PDE4D: variants seen among roughly 807,000 people sequenced by gnomAD.
PDE4D encodes 3',5'-cyclic-AMP phosphodiesterase 4D.
In PDE4D, 24 loss-of-function variants were observed where a neutral mutation model predicts 87.4. That is an observed-to-expected ratio of 0.27 (90% confidence interval 0.20 to 0.39). PDE4D has a LOEUF of 0.39. Among genes scored for constraint, PDE4D ranks in the 10% least tolerant of loss-of-function variants. The pLI is 1.00. For missense variants in PDE4D, 714 were observed against 1,041.0 expected, an observed-to-expected ratio of 0.69 and a Z score of 4.32; for synonymous variants, 384 against 383.2, an observed-to-expected ratio of 1.00 and a Z score of -0.02.
exon 3 of PDE4D, chr5:59,988,682 C>T: frequency 6.3e-7 from 1 of 1,598,384 alleles, no homozygotes; most frequent in East Asian, 2.2e-5. Context: ...AAGGGTCTTC[C>T]TCTTCATTAC....
intron 1 of PDE4D, among the ~76,000 whole-genome samples, chr5:59,405,408 T>C (rs1159701279): frequency 6.6e-6 from 1 of 152,244 alleles, no homozygotes; most frequent in African/African-American, 2.4e-5. Context: ...TGCTACTGAT[T>C]TTTATATGTT....
intron 2 of PDE4D, among the ~76,000 whole-genome samples, chr5:60,074,697 T>C (rs916153830): frequency 2.6e-5 from 4 of 152,212 alleles, no homozygotes; most frequent in Non-Finnish European, 5.9e-5. Flanking sequence ...CTCTGTTGGG[T>C]ATGTACCTAT....
chr5:59,923,278 G>A (rs564009755), intron 3 of PDE4D, among the ~76,000 whole-genome samples: 4 of 152,314 alleles, frequency 2.6e-5, no homozygotes, highest in Middle Eastern at 3.4e-3. Flanking sequence ...GGGCAAAGGG[G>A]AACTTGATGT....
At chr5:60,131,476 G>C (rs1779576341) in intron 2 of PDE4D, among the ~76,000 whole-genome samples, 1 of 152,204 alleles carries the variant, frequency 6.6e-6, no homozygotes, top group Non-Finnish European at 1.5e-5. Flanking sequence ...CAAGAATGAA[G>C]TTAATGTGTG....
chr5:59,763,133 G>A (rs2150795665), intron 1 of PDE4D, among the ~76,000 whole-genome samples: 1 of 151,560 alleles, frequency 6.6e-6, no homozygotes, highest in East Asian at 1.9e-4. Context: ...AAGAACTGAT[G>A]CAAACAATGA....
At chr5:60,157,278 T>G (rs1782056469) in intron 2 of PDE4D, among the ~76,000 whole-genome samples, 1 of 152,180 alleles carries the variant, frequency 6.6e-6, no homozygotes, top group African/African-American at 2.4e-5. Context: ...CACATGAATT[T>G]TCTTATTTTA....
intron 1 of PDE4D, among the ~76,000 whole-genome samples, chr5:59,716,546 T>C (rs1341647439): frequency 3.3e-5 from 5 of 152,212 alleles, no homozygotes; most frequent in African/African-American, 9.6e-5. Flanking sequence ...ATAGGGAAGT[T>C]GGTAATCCTC....
At chr5:59,772,014 C>T (rs4577665) in intron 1 of PDE4D, among the ~76,000 whole-genome samples, 74,558 of 152,036 alleles carry the variant, frequency 0.49, 19,338 homozygotes, top group African/African-American at 0.63. Context: ...CCAAATGATA[C>T]ATGATATGCA....
intron 1 of PDE4D, among the ~76,000 whole-genome samples, chr5:59,435,390 C>G (rs1562183440): frequency 6.6e-6 from 1 of 152,180 alleles, no homozygotes; most frequent in Admixed American, 6.5e-5. Context: ...ACAAATAACA[C>G]TTGGTAGTGT....
At chr5:59,908,456 A>G (rs1753082571) in intron 3 of PDE4D, among the ~76,000 whole-genome samples, 1 of 152,212 alleles carries the variant, frequency 6.6e-6, no homozygotes, top group Non-Finnish European at 1.5e-5. Flanking sequence ...AATTCCTCTG[A>G]CAATTATTAT....
Position 59,445,646 on chromosome 5 carries a change from G to A in PDE4D, c.456-229678C>T, listed in dbSNP as rs143057966. On this transcript the variant is annotated intron_variant, in intron 1 of 14. Transcript: ENST00000340635. ...AATGTAGCCTTTTTGAGTAGTTTCC[G>A]GCAACTTGTAAGCATAGTTTAAATC... Among the ~76,000 whole-genome samples the A allele has an allele frequency of 2.5e-3, 375 of 152,124 alleles. 3 individuals are homozygous for A. The highest frequency in any genetic ancestry group is 8.1e-3 in the African/African-American group (337 of 41,484).
chr5:59,132,326 C>T lies in PDE4D; in HGVS notation c.808+48269G>A, dbSNP rs188504141. Among the ~76,000 whole-genome samples, 76 of 152,178 alleles carry T rather than the reference C, an allele frequency of 5.0e-4. No individual in the cohort carries two copies. In the South Asian group the frequency reaches 7.1e-3, roughly 14 times the overall value. On this transcript the variant is annotated intron_variant, in intron 5 of 14. Transcript: ENST00000340635. ...GCTATTGATTTCCCTTGGCTCTTGT[C>T]GCTAGTGGGTGGGAGACTGAACACA...
intron 1 of PDE4D, among the ~76,000 whole-genome samples, chr5:59,447,012 A>G (rs1161024134): frequency 6.6e-6 from 1 of 152,146 alleles, no homozygotes; most frequent in African/African-American, 2.4e-5. Flanking sequence ...GGTGCATTAG[A>G]GATTTGATTT....
At chr5:60,242,865 C>G (rs1747283575) in intron 1 of PDE4D, among the ~76,000 whole-genome samples, 1 of 151,508 alleles carries the variant, frequency 6.6e-6, no homozygotes, top group African/African-American at 2.4e-5. Flanking sequence ...TTTTAAGTGC[C>G]CACATCAAAA....
chr5:60,150,893 C>G (rs1333681057), intron 2 of PDE4D, among the ~76,000 whole-genome samples: 1 of 152,180 alleles, frequency 6.6e-6, no homozygotes, highest in Non-Finnish European at 1.5e-5. Context: ...TGGGTATACT[C>G]ATGCATCACA....
intron 1 of PDE4D, among the ~76,000 whole-genome samples, chr5:59,884,781 T>TAA (rs1482863731): frequency 6.6e-6 from 1 of 152,084 alleles, no homozygotes; most frequent in Non-Finnish European, 1.5e-5. Context: ...AAAATGTACA[T>TAA]AAGAAAGTGG....
chr5:60,477,355 G>A (rs1019004389), intron 1 of PDE4D, among the ~76,000 whole-genome samples: 1 of 152,180 alleles, frequency 6.6e-6, no homozygotes, highest in Non-Finnish European at 1.5e-5. Flanking sequence ...TAGGGGAGAA[G>A]TGTGTAAGTA....
chr5:59,301,890 A>T (rs939801948), intron 1 of PDE4D, among the ~76,000 whole-genome samples: 5 of 152,118 alleles, frequency 3.3e-5, no homozygotes, highest in Admixed American at 2.0e-4. Flanking sequence ...ATTTCCTCCC[A>T]AACAGGAAAC....
At chr5:59,037,162 T>C (rs1480870059) in intron 6 of PDE4D, among the ~76,000 whole-genome samples, 1 of 152,224 alleles carries the variant, frequency 6.6e-6, no homozygotes, top group Non-Finnish European at 1.5e-5. Flanking sequence ...TCACATTCAG[T>C]TTTAAATCCA....
Sources: allele counts gnomAD v4.1 joint callset (sites outside exome capture counted in the v4.1 genomes callset), GRCh38; gene constraint gnomAD v4.1.1; transcripts MANE v1.5; gene names NCBI Gene and HGNC (gene_info 2026-07-23, HGNC 2026-07-21).